DOCK4: variants seen among roughly 807,000 people sequenced by gnomAD.
The protein encoded by DOCK4 is dedicator of cytokinesis 4.
DOCK4 carries 97 observed loss-of-function variants against 268.1 expected under a neutral mutation model. The observed-to-expected ratio is 0.36, with a 90% CI of 0.31 to 0.43. The LOEUF (loss-of-function observed/expected upper bound fraction) is 0.43, where lower values mean the gene tolerates loss of function less well. DOCK4 is among the 20% of genes least tolerant of loss of function. DOCK4 has a pLI of 1.00. For missense variants in DOCK4, 2,145 were observed against 2,455.7 expected, an observed-to-expected ratio of 0.87 and a Z score of 2.67; for synonymous variants, 954 against 887.2, an observed-to-expected ratio of 1.08 and a Z score of -1.34.
intron 1 of DOCK4, among the ~76,000 whole-genome samples, chr7:112,191,733 G>A (rs2116798050): frequency 6.6e-6 from 1 of 151,986 alleles, no homozygotes; most frequent in East Asian, 1.9e-4. Flanking sequence ...CTGAATCTCA[G>A]CCCTTCACAG....
At chr7:112,004,854 T>C (rs1800726406) in intron 1 of DOCK4, among the ~76,000 whole-genome samples, 1 of 152,178 alleles carries the variant, frequency 6.6e-6, no homozygotes, top group Non-Finnish European at 1.5e-5. Context: ...GATTAATTGG[T>C]TTCTGAAACA....
chr7:111,944,918 T>C, intron 9 of DOCK4, 47 bp from the exon 10 acceptor site: 2 of 1,488,758 alleles, frequency 1.3e-6, no homozygotes, highest in Non-Finnish European at 1.9e-6. Flanking sequence ...TGAGCGGCAC[T>C]TAAAGGGCAT....
intron 8 of DOCK4, among the ~76,000 whole-genome samples, chr7:111,966,000 G>C (rs1346103358): frequency 1.8e-4 from 3 of 16,262 alleles, no homozygotes; most frequent in Non-Finnish European, 2.8e-4. Flanking sequence ...GATGTTCTTT[G>C]AAACCAACGA....
intron 1 of DOCK4, among the ~76,000 whole-genome samples, chr7:112,110,275 T>C (rs1162726083): frequency 6.6e-6 from 1 of 152,236 alleles, no homozygotes; most frequent in Non-Finnish European, 1.5e-5. Flanking sequence ...GAATTCAATT[T>C]TGATTAAAAG....
intron 1 of DOCK4, among the ~76,000 whole-genome samples, chr7:112,047,472 T>A (rs1316850131): frequency 6.6e-6 from 1 of 152,204 alleles, no homozygotes; most frequent in African/African-American, 2.4e-5. Context: ...TATAACTGTA[T>A]TCCATATATT....
At chr7:112,145,364 C>T (rs1358190213) in intron 1 of DOCK4, among the ~76,000 whole-genome samples, 1 of 152,162 alleles carries the variant, frequency 6.6e-6, no homozygotes, top group Non-Finnish European at 1.5e-5. Flanking sequence ...AACATAGGAA[C>T]ATACACATAC....
intron 1 of DOCK4, among the ~76,000 whole-genome samples, chr7:112,205,517 A>C (rs1338857463): frequency 6.6e-6 from 1 of 152,112 alleles, no homozygotes; most frequent in Non-Finnish European, 1.5e-5. Flanking sequence ...CCGGGATCGC[A>C]GAGAGGGAGG....
intron 4 of DOCK4, 89 bp downstream of exon 4, chr7:111,998,334 ATGGTATGATCTTCTACAGTTCATTT>A: frequency 3.7e-6 from 3 of 803,198 alleles, no homozygotes; most frequent in Non-Finnish European, 5.7e-6. Context: ...AACACAGACA[ATGGTATGATCTTCTACAGTTCATTT>A]TTCAAGACAA....
chr7:111,726,723 A>G lies in DOCK4; in HGVS notation c.*1551T>C, dbSNP rs1219741670. The G allele has an allele frequency of 1.3e-5, 2 of 152,678 alleles. No homozygotes were observed. The highest frequency in any genetic ancestry group is 6.5e-5 in the Admixed American group (1 of 15,284). The allele number at this position is 152,678 out of a possible 1,614,324, so 9.5% of individuals were successfully genotyped here. ...TTTTTCCATACGTAAAGTATTTGGC[A>G]TAATTATAACAATCATACTGCATCA... On this transcript the variant is annotated 3_prime_UTR_variant, in exon 53 of 53. Transcript: ENST00000428084.
intron 22 of DOCK4, among the ~76,000 whole-genome samples, chr7:111,866,865 A>G (rs1806014109): frequency 6.6e-6 from 1 of 152,238 alleles, no homozygotes; most frequent in African/African-American, 2.4e-5. Context: ...AACTTCTAAG[A>G]ACTCTGATCT....
At chr7:112,186,780 A>G (rs1180323824) in intron 1 of DOCK4, among the ~76,000 whole-genome samples, 1 of 152,138 alleles carries the variant, frequency 6.6e-6, no homozygotes, top group Non-Finnish European at 1.5e-5. Flanking sequence ...TAATTTTCCT[A>G]TGGGGAAACA....
intron 35 of DOCK4, among the ~76,000 whole-genome samples, chr7:111,778,839 G>A (rs750855203): frequency 6.6e-6 from 1 of 152,164 alleles, no homozygotes; most frequent in African/African-American, 2.4e-5. Flanking sequence ...GACAGATCAC[G>A]AGGTCAAGAG....
At chr7:111,982,576 G>A (rs900286040) in intron 7 of DOCK4, among the ~76,000 whole-genome samples, 1 of 152,084 alleles carries the variant, frequency 6.6e-6, no homozygotes, top group South Asian at 2.1e-4. Flanking sequence ...CTATTTAGTA[G>A]ATGAATAAAC....
rs1586286768 is a variant in DOCK4 at position 111,892,889 on chromosome 7, G to A, written c.1587+2723C>T. 3.3e-5 allele frequency among the ~76,000 whole-genome samples: 5 copies of A among 152,272 alleles called. No homozygotes were observed. In the South Asian group the frequency reaches 1.0e-3, roughly 32 times the overall value. ...AAGTATTTCACAACTCTGTAAATAAGAAATACTAAATAACCCTATTCATAA... is the reference window on the plus strand; with the variant it reads ...AAGTATTTCACAACTCTGTAAATAAAAAATACTAAATAACCCTATTCATAA... On this transcript the variant is annotated intron_variant, in intron 16 of 52. Transcript: ENST00000428084.
At chr7:111,939,541 T>C (rs1795034345) in intron 11 of DOCK4, among the ~76,000 whole-genome samples, 1 of 151,920 alleles carries the variant, frequency 6.6e-6, no homozygotes, top group South Asian at 2.1e-4. Context: ...AAAATTTACT[T>C]ATGCCTAGTG....
At chr7:111,840,442 G>A (rs559065303) in intron 25 of DOCK4, among the ~76,000 whole-genome samples, 1 of 152,096 alleles carries the variant, frequency 6.6e-6, no homozygotes, top group Admixed American at 6.6e-5. Flanking sequence ...GAGAATGCAA[G>A]GCAAGTGGTC....
At chr7:111,897,243 A>G (rs1461182077) in intron 15 of DOCK4, among the ~76,000 whole-genome samples, 1 of 152,036 alleles carries the variant, frequency 6.6e-6, no homozygotes, top group Non-Finnish European at 1.5e-5. Context: ...ATTCGTCCTC[A>G]TCTTATTTGA....
In DOCK4 at chr7:112,206,161, T is replaced by C. The variant is rs1821390783; in HGVS notation, c.-23A>G. 2 of 1,569,486 alleles carry C rather than the reference T, an allele frequency of 1.3e-6. No homozygotes were observed. Among genetic ancestry groups the C allele is most frequent in the Non-Finnish European group, 1.7e-6 (2 of 1,156,940 alleles). On this transcript the variant is annotated 5_prime_UTR_variant, in exon 1 of 53. Transcript: ENST00000428084. ...CATGGCTAAAGGGGCTCCGGGGTCTTCAGGCTTTGTAATCCCCGCGCCCCT... is the reference window on the plus strand; with the variant it reads ...CATGGCTAAAGGGGCTCCGGGGTCTCCAGGCTTTGTAATCCCCGCGCCCCT...
chr7:111,731,968 T>A (rs370107211), intron 52 of DOCK4, among the ~76,000 whole-genome samples: 85 of 152,316 alleles, frequency 5.6e-4, no homozygotes, highest in Admixed American at 4.4e-3. Context: ...ATGCACTGAC[T>A]TCAGTCTGCA....
Sources: allele counts gnomAD v4.1 joint callset (sites outside exome capture counted in the v4.1 genomes callset), GRCh38; gene constraint gnomAD v4.1.1; transcripts MANE v1.5; gene names NCBI Gene and HGNC (gene_info 2026-07-23, HGNC 2026-07-21).